Variants in GTF2IRD2B observed in about 807,000 individuals in gnomAD.
GTF2IRD2B encodes GTF2I repeat domain containing 2B.
A neutral mutation model predicts 55.6 loss-of-function variants in GTF2IRD2B; 10 were observed. That is an observed-to-expected ratio of 0.18 (90% confidence interval 0.11 to 0.31). GTF2IRD2B has a LOEUF of 0.31. Among genes scored for constraint, GTF2IRD2B ranks in the 10% least tolerant of loss-of-function variants. GTF2IRD2B has a pLI of 1.00. For missense variants in GTF2IRD2B, 206 were observed against 802.7 expected, an observed-to-expected ratio of 0.26 and a Z score of 8.98; for synonymous variants, 107 against 320.5, an observed-to-expected ratio of 0.33 and a Z score of 7.12.
Position 75,148,384 on chromosome 7 carries a change from C to T in GTF2IRD2B, c.1937C>T (p.Ala646Val), listed in dbSNP as rs1306444509. Residue 646 changes from alanine to valine, a missense_variant, in exon 16 of 16, where the codon GCG (alanine) becomes GTG (valine). By Grantham distance (64) the Ala-to-Val change is moderately conservative (BLOSUM62 0). Coordinates refer to ENST00000472837, the MANE Select transcript of GTF2IRD2B (RefSeq NM_001003795.3). ...AGGGTGGCGACGTTCTGCAAGGGTG[C>T]GGAACTGAAGTCCATCTGTTGTATA... ...KSRVATFCKG[A>V]ELKSICCIIH... 27 of 1,611,386 alleles carry T rather than the reference C, an allele frequency of 1.7e-5. No homozygotes were observed. Among genetic ancestry groups the T allele is most frequent in the East Asian group, 2.2e-5 (1 of 44,804 alleles).
intron 9 of GTF2IRD2B, among the ~76,000 whole-genome samples, chr7:75,134,032 C>T (rs1304476717): frequency 2.7e-4 from 34 of 125,420 alleles, no homozygotes; most frequent in Admixed American, 3.9e-4. Flanking sequence ...GGTCTCCTGA[C>T]GGTATCCAGT....
intron 1 of GTF2IRD2B, among the ~76,000 whole-genome samples, chr7:75,103,362 T>C (rs1464788276): frequency 3.2e-4 from 48 of 149,892 alleles, no homozygotes; most frequent in African/African-American, 6.1e-4. Context: ...CAGCCCGTGG[T>C]TCTCCTGGCA....
intron 3 of GTF2IRD2B, among the ~76,000 whole-genome samples, chr7:75,115,411 C>CA (rs1808110055): frequency 6.6e-6 from 1 of 150,494 alleles, no homozygotes; most frequent in Non-Finnish European, 1.5e-5. Flanking sequence ...CTTGGTGTTC[C>CA]ATATGAATTT....
intron 1 of GTF2IRD2B, among the ~76,000 whole-genome samples, chr7:75,103,081 C>T (rs1389641007): frequency 2.0e-5 from 3 of 151,756 alleles, no homozygotes; most frequent in Admixed American, 6.6e-5. Flanking sequence ...AGTTCAAGAC[C>T]GGCCTGGCCA....
intron 1 of GTF2IRD2B, among the ~76,000 whole-genome samples, chr7:75,104,619 A>G (rs1475233451): frequency 2.0e-5 from 3 of 152,282 alleles, no homozygotes; most frequent in African/African-American, 4.8e-5. Flanking sequence ...AAGATTACGA[A>G]TGGAAATTCT....
chr7:75,115,347 T>C (rs189236948), intron 3 of GTF2IRD2B, among the ~76,000 whole-genome samples: 1 of 151,238 alleles, frequency 6.6e-6, no homozygotes, highest in African/African-American at 2.4e-5. Flanking sequence ...AATCAGGAAG[T>C]ATGAGACCTC....
chr7:75,105,879 G>A (rs1314720966), intron 1 of GTF2IRD2B, among the ~76,000 whole-genome samples: 12 of 152,304 alleles, frequency 7.9e-5, no homozygotes, highest in East Asian at 1.9e-4. Context: ...CGTTGTCTGC[G>A]ATCTGGAACC....
rs879991777 is a variant in GTF2IRD2B, at chr7:75,112,014, T to C, written c.100-383T>C. On this transcript the variant is annotated intron_variant, in intron 2 of 15. Transcript: ENST00000472837. ...ATCCCAGCACTTTGGGAGGCCAAGG[T>C]GGGCGGATCACAAGGTCAGGAGATC... is the stretch of plus-strand genomic sequence containing the variant. 3.0e-3 allele frequency among the ~76,000 whole-genome samples: 28 copies of C among 9,392 alleles called. 1 individual carries two copies. Among genetic ancestry groups the C allele is most frequent in the Non-Finnish European group, 4.2e-3 (14 of 3,310 alleles). The allele number at this position is 9,392 out of a possible 152,430, so 6.2% of individuals were successfully genotyped here. A position where few individuals can be genotyped will look rare whatever the true frequency, so the allele number is the denominator to read the frequency against.
In GTF2IRD2B at chr7:75,149,348, C is replaced by T; in HGVS notation, c.*51C>T. 1.3e-6 allele frequency: 1 copy of T among 768,768 alleles called. No homozygotes were observed. The highest frequency in any genetic ancestry group is 2.4e-5 in the East Asian group (1 of 41,216). The allele number at this position is 768,768 out of a possible 1,614,324, so 47.6% of individuals were successfully genotyped here. A position where few individuals can be genotyped will look rare whatever the true frequency, so the allele number is the denominator to read the frequency against. On this transcript the variant is annotated 3_prime_UTR_variant, in exon 16 of 16. Coordinates refer to ENST00000472837, the MANE Select transcript of GTF2IRD2B (RefSeq NM_001003795.3). ...CTATGGTGGGAAAGGCTGGAGTCTT[C>T]TAGTCCCAAGGGATTGGGAGATGAC...
chr7:75,127,468 CAAAAA>C (rs71246071), intron 8 of GTF2IRD2B, among the ~76,000 whole-genome samples: 3 of 33,192 alleles, frequency 9.0e-5, no homozygotes, highest in Non-Finnish European at 1.9e-4. Flanking sequence ...GACGTTGTCT[CAAAAA>C]AAAAAAAAAA....
At chr7:75,119,051 G>A (rs1387078903) in intron 3 of GTF2IRD2B, among the ~76,000 whole-genome samples, 3 of 140,698 alleles carry the variant, frequency 2.1e-5, no homozygotes, top group South Asian at 2.4e-4. Context: ...AAAGTTAGCC[G>A]GGGGCGGTGG....
chr7:75,106,963 A>T (rs1404852006), intron 1 of GTF2IRD2B, among the ~76,000 whole-genome samples: 16,408 of 150,722 alleles, frequency 0.11, 922 homozygotes, highest in Middle Eastern at 0.25. Context: ...AAAAAAAAAA[A>T]TCTTGGCAAA....
At chr7:75,134,395 C>CAACAA (rs1234033639) in intron 9 of GTF2IRD2B, among the ~76,000 whole-genome samples, 28 of 142,698 alleles carry the variant, frequency 2.0e-4, no homozygotes, top group Middle Eastern at 3.4e-3. Flanking sequence ...CTCAAAACAA[C>CAACAA]AACAAAACAA....
intron 1 of GTF2IRD2B, among the ~76,000 whole-genome samples, chr7:75,104,592 A>T (rs1290408610): frequency 6.6e-6 from 1 of 152,354 alleles, no homozygotes; most frequent in South Asian, 2.1e-4. Flanking sequence ...TCTCCCGGGG[A>T]TGCTAAAGAC....
chr7:75,121,854 G>C (rs587742104), intron 4 of GTF2IRD2B, among the ~76,000 whole-genome samples: 1 of 131,136 alleles, frequency 7.6e-6, no homozygotes, highest in Non-Finnish European at 1.6e-5. Flanking sequence ...TCCGCCTCTC[G>C]GGTTCCTGCC....
intron 6 of GTF2IRD2B, among the ~76,000 whole-genome samples, chr7:75,124,223 C>T (rs1343090113): frequency 2.8e-4 from 42 of 152,236 alleles, no homozygotes; most frequent in African/African-American, 1.0e-3. Context: ...CCAAAGTTAG[C>T]CAGGCATGGT....
chr7:75,134,792 C>T (rs1457834061), intron 9 of GTF2IRD2B, among the ~76,000 whole-genome samples: 1 of 145,332 alleles, frequency 6.9e-6, no homozygotes, highest in Non-Finnish European at 1.5e-5. Context: ...GTCTCGAACT[C>T]CTGACCTCAG....
chr7:75,115,625 G>T (rs1311971174), intron 3 of GTF2IRD2B, among the ~76,000 whole-genome samples: 2 of 140,046 alleles, frequency 1.4e-5, no homozygotes, highest in African/African-American at 2.6e-5. Context: ...TTTTGAGATA[G>T]GGTTTCACCA....
chr7:75,123,553 A>C lies in GTF2IRD2B; in HGVS notation c.571+37A>C, dbSNP rs1340383972. On this transcript the variant is annotated intron_variant, in intron 6 of 15. Coordinates refer to ENST00000472837, the MANE Select transcript of GTF2IRD2B (RefSeq NM_001003795.3). ...CTTCTCAGGTTTGGTGGCTCTTCTG[A>C]GCTGCTGAACCACTTCTTCTTCATT... 7.2e-5 allele frequency: 44 copies of C among 612,512 alleles called. No homozygotes were observed. In the East Asian group the frequency reaches 1.3e-3, roughly 18 times the overall value. The allele number at this position is 612,512 out of a possible 1,614,324, so 37.9% of individuals were successfully genotyped here.
Sources: allele counts gnomAD v4.1 joint callset (sites outside exome capture counted in the v4.1 genomes callset), GRCh38; gene constraint gnomAD v4.1.1; transcripts MANE v1.5; gene names NCBI Gene and HGNC (gene_info 2026-07-23, HGNC 2026-07-21).